Variants in DNAH7 observed in about 807,000 individuals in gnomAD.
DNAH7 encodes axonemal beta dynein heavy chain 7.
A neutral mutation model predicts 444.6 loss-of-function variants in DNAH7; 397 were observed. The observed-to-expected ratio is 0.89, with a 90% CI of 0.82 to 0.97. The LOEUF is 0.97. Ranked by LOEUF, DNAH7 falls within the 50% of genes least tolerant of loss-of-function variation. The pLI is 0.00. For missense variants in DNAH7, 4,902 were observed against 4,800.8 expected, an observed-to-expected ratio of 1.02 and a Z score of -0.62; for synonymous variants, 1,636 against 1,624.4, an observed-to-expected ratio of 1.01 and a Z score of -0.17.
In DNAH7 at chr2:195,765,680, T is replaced by C. The variant is rs139844663; in HGVS notation, c.11433+5980A>G. On this transcript the variant is annotated intron_variant, in intron 61 of 64. Transcript: ENST00000312428. Reference sequence around the variant, plus strand: ...CCCAAATCAAAACTACAATAAGATATCATCTCGCCCTAGTTAAAATGGCTT... The same window carrying C: ...CCCAAATCAAAACTACAATAAGATACCATCTCGCCCTAGTTAAAATGGCTT... 3.4e-3 allele frequency among the ~76,000 whole-genome samples: 510 copies of C among 152,216 alleles called. 2 individuals carry two copies. Among genetic ancestry groups the C allele is most frequent in the Admixed American group, 6.4e-3 (98 of 15,290 alleles).
intron 55 of DNAH7, 103 bp from the exon 56 acceptor site, chr2:195,796,840 G>A (rs1696165662): frequency 7.1e-6 from 9 of 1,273,854 alleles, no homozygotes; most frequent in Non-Finnish European, 9.4e-6. Flanking sequence ...ACTTAATTGG[G>A]TCACATGTCT....
chr2:195,994,465 T>A (rs1019774756), intron 12 of DNAH7: 10 of 533,768 alleles, frequency 1.9e-5, no homozygotes, highest in Middle Eastern at 3.1e-4. Flanking sequence ...AGGTTTGCCA[T>A]AGAAATTGAC....
rs900994446 is a variant in DNAH7, at chr2:195,786,570, T to TA, written c.10878+439_10878+440insT. 2.4e-3 allele frequency among the ~76,000 whole-genome samples: 238 copies of TA among 99,502 alleles called. 1 individual carries two copies. Among genetic ancestry groups the TA allele is most frequent in the Non-Finnish European group, 2.4e-3 (118 of 48,796 alleles). The allele number at this position is 99,502 out of a possible 152,430, so 65.3% of individuals were successfully genotyped here. On this transcript the variant is annotated intron_variant, in intron 58 of 64. Coordinates refer to ENST00000312428, the MANE Select transcript of DNAH7 (RefSeq NM_018897.3). ...GGTTAACACCAATGGCTTAAATAGA[T>TA]TTTTTTTTTTTTTCCTGACAAATGG...
At position 196,034,137 on chromosome 2, in the gene DNAH7, T is replaced by C. The variant is rs538835932; in HGVS notation, c.399-6090A>G. 1.5e-3 allele frequency among the ~76,000 whole-genome samples: 230 copies of C among 152,308 alleles called. 1 individual carries two copies. Among genetic ancestry groups the C allele is most frequent in the African/African-American group, 5.1e-3 (211 of 41,582 alleles). On this transcript the variant is annotated intron_variant, in intron 5 of 64. Transcript: ENST00000312428. ...AAAATTGTTTTTACTTGCATACACA[T>C]GATCGTATGTATAGGAAATTCTAAG... is the stretch of plus-strand genomic sequence containing the variant.
chr2:195,974,562 T>C (rs1182930239), intron 15 of DNAH7, among the ~76,000 whole-genome samples: 3 of 152,120 alleles, frequency 2.0e-5, no homozygotes, highest in African/African-American at 7.2e-5. Flanking sequence ...GCTAGGAGGA[T>C]AAATAAATGA....
chr2:196,019,133 A>C (rs1313274371), intron 9 of DNAH7, 37 bp downstream of exon 9: 1 of 1,389,786 alleles, frequency 7.2e-7, no homozygotes. Context: ...ACTTCCCTCT[A>C]TATTTTAAAA....
At chr2:195,835,277 T>C (rs1434251594) in intron 47 of DNAH7, among the ~76,000 whole-genome samples, 3 of 148,260 alleles carry the variant, frequency 2.0e-5, no homozygotes, top group Non-Finnish European at 3.0e-5. Flanking sequence ...TACGACATTT[T>C]AATGAAATTA....
rs34983984 is a variant in DNAH7, at chr2:195,792,166, CA to C, written c.10716+2171del. Among the ~76,000 whole-genome samples, 34 of 54,480 alleles carry C rather than the reference CA, an allele frequency of 6.2e-4. 1 individual carries two copies. The highest frequency in any genetic ancestry group is 1.3e-3 in the East Asian group (2 of 1,482). The allele number at this position is 54,480 out of a possible 152,430, so 35.7% of individuals were successfully genotyped here. On this transcript the variant is annotated intron_variant, in intron 57 of 64. Coordinates refer to ENST00000312428, the MANE Select transcript of DNAH7 (RefSeq NM_018897.3). Reference sequence around the variant, plus strand: ...TGGGCAATAGAGTGAGACCCTGTCTCAAAAAAAAAAAAAAAAAAAAAAGGAA... The same window carrying C: ...TGGGCAATAGAGTGAGACCCTGTCTCAAAAAAAAAAAAAAAAAAAAAGGAA...
At chr2:195,886,356 T>C in intron 33 of DNAH7, 84 bp from the exon 34 acceptor site, 1 of 1,284,416 alleles carries the variant, frequency 7.8e-7, no homozygotes, top group South Asian at 1.5e-5. Context: ...ATTAAGCTCA[T>C]TTAATTTTAA....
chr2:196,038,421 C>G (rs1011869490), intron 5 of DNAH7, among the ~76,000 whole-genome samples: 1 of 152,080 alleles, frequency 6.6e-6, no homozygotes, highest in Non-Finnish European at 1.5e-5. Context: ...AAGAGGAGAA[C>G]AAAGGCCATA....
Position 195,906,786 on chromosome 2 carries a change from C to T in DNAH7, c.4208G>A (p.Gly1403Asp). 1 of 1,613,006 alleles carries T rather than the reference C, an allele frequency of 6.2e-7. No individual in the cohort carries two copies. The highest frequency in any genetic ancestry group is 8.5e-7 in the Non-Finnish European group (1 of 1,179,394). Residue 1403 changes from glycine to aspartate, a missense_variant and splice_region_variant, in exon 27 of 65, where the codon GGT becomes GAT. By Grantham distance (94) the Gly-to-Asp change is moderately conservative. Transcript: ENST00000312428. Reference sequence around the variant, plus strand: ...CAGTATATCAGCACCTGCATTAATACCTGTAGGTAATCAGGAATGAAATGA... The same window carrying T: ...CAGTATATCAGCACCTGCATTAATATCTGTAGGTAATCAGGAATGAAATGA... ...VAQQILTIQR[G>D]INAGADILMF...
intron 12 of DNAH7, chr2:195,994,608 A>G (rs764136266): frequency 5.7e-5 from 28 of 494,530 alleles, no homozygotes; most frequent in Admixed American, 1.2e-4. Flanking sequence ...GTAAACCTCA[A>G]TTGGTCCTTG....
chr2:196,035,466 G>A (rs1696326210), intron 5 of DNAH7, among the ~76,000 whole-genome samples: 1 of 152,174 alleles, frequency 6.6e-6, no homozygotes, highest in Non-Finnish European at 1.5e-5. Flanking sequence ...AAGGAGAAGA[G>A]AAGATGACAG....
intron 51 of DNAH7, 66 bp downstream of exon 51, chr2:195,816,562 G>T (rs1697226538): frequency 1.6e-6 from 2 of 1,222,782 alleles, no homozygotes; most frequent in Non-Finnish European, 2.3e-6. Context: ...AACAATAGAG[G>T]TCACAAATTA....
At chr2:195,831,715 TGC>T (rs763377649) in intron 48 of DNAH7, among the ~76,000 whole-genome samples, 20 of 152,240 alleles carry the variant, frequency 1.3e-4, no homozygotes, top group Non-Finnish European at 2.4e-4. Context: ...AAGAAAATCT[TGC>T]TTGTGTAACA....
At chr2:195,957,782 G>C (rs34079286) in intron 18 of DNAH7, among the ~76,000 whole-genome samples, 42,383 of 151,766 alleles carry the variant, frequency 0.28, 8,825 homozygotes, top group African/African-American at 0.59. Flanking sequence ...TATGCTTATA[G>C]AGATATACAC....
At position 195,886,180 on chromosome 2, in the gene DNAH7, T is replaced by C. The variant is rs1198960230; in HGVS notation, c.5499A>G (p.Leu1833=). The C allele has an allele frequency of 1.2e-6, 2 of 1,613,856 alleles. No individual in the cohort carries two copies. The highest frequency in any genetic ancestry group is 1.7e-6 in the Non-Finnish European group (2 of 1,179,894). The part of the protein sequence containing the change: ...FMDDFADEVK[L]KERNDRETYS... ...AAGTTTCTCGATCATTTCTCTCCTT[T>C]AGTTTGACTTCATCAGCAAAATCAT... The change falls in exon 34 of 65, where the codon CTA becomes CTG. Residue 1833 remains leucine (L), a synonymous_variant. Coordinates refer to ENST00000312428, the MANE Select transcript of DNAH7 (RefSeq NM_018897.3).
chr2:195,796,090 G>A (rs1010972187), intron 56 of DNAH7, among the ~76,000 whole-genome samples: 2 of 152,174 alleles, frequency 1.3e-5, no homozygotes, highest in Non-Finnish European at 2.9e-5. Context: ...ACTGCAAGGT[G>A]GGTGGGAACA....
At chr2:195,924,809 A>G (rs1424201775) in intron 22 of DNAH7, among the ~76,000 whole-genome samples, 1 of 152,206 alleles carries the variant, frequency 6.6e-6, no homozygotes, top group Non-Finnish European at 1.5e-5. Context: ...GCCAGTTCTG[A>G]AGACCAGGCT....
Sources: gnomAD v4.1 joint callset for allele counts (sites outside exome capture counted in the v4.1 genomes callset) on GRCh38, gnomAD v4.1.1 for gene constraint, MANE v1.5 for transcripts, NCBI Gene and HGNC (gene_info 2026-07-23, HGNC 2026-07-21) for gene names.